The following MED23 variants were observed in gnomAD, a reference collection of about 807,000 sequenced individuals.
MED23 encodes mediator complex subunit 23.
A neutral mutation model predicts 163.9 loss-of-function variants in MED23; 105 were observed. That is an observed-to-expected ratio of 0.64 (90% CI 0.55 to 0.75). The LOEUF (loss-of-function observed/expected upper bound fraction) is 0.75. Among genes scored for constraint, MED23 ranks in the 30% least tolerant of loss-of-function variants. The pLI is 0.00. For missense variants in MED23, 1,054 were observed against 1,649.0 expected, an observed-to-expected ratio of 0.64 and a Z score of 6.25; for synonymous variants, 561 against 565.6, an observed-to-expected ratio of 0.99 and a Z score of 0.12.
intron 10 of MED23, chr6:131,615,420 G>T: frequency 1.5e-6 from 2 of 1,362,154 alleles, no homozygotes; most frequent in South Asian, 2.3e-5. Flanking sequence ...ACAAAACAGT[G>T]ACTATGAGGC....
chr6:131,603,322 C>T, intron 15 of MED23, 118 bp from the exon 16 acceptor site: 1 of 931,386 alleles, frequency 1.1e-6, no homozygotes, highest in Non-Finnish European at 1.7e-6. Context: ...CACACGCCCA[C>T]ACACATATAT....
Position 131,627,385 on chromosome 6 carries a change from G to C in MED23, c.159+11C>G. 1 of 1,560,642 alleles carries C rather than the reference G, an allele frequency of 6.4e-7. No individual in the cohort carries two copies. The highest frequency in any genetic ancestry group is 8.8e-7 in the Non-Finnish European group (1 of 1,137,016). On this transcript the variant is annotated intron_variant, in intron 3 of 28. Transcript: ENST00000368068. ...ATCATCAGCTGAATGTATTAAAAAT[G>C]AAGCGCTCACCTGAGAAAGACCACC... is the stretch of plus-strand genomic sequence containing the variant.
In MED23 at chr6:131,602,240, C is replaced by T; in HGVS notation, c.2073G>A (p.Leu691=). 6.2e-7 allele frequency: 1 copy of T among 1,613,788 alleles called. No homozygotes were observed. The highest frequency in any genetic ancestry group is 8.5e-7 in the Non-Finnish European group (1 of 1,179,786). The change falls in exon 17 of 29, where the codon TTG becomes TTA. Residue 691 remains leucine (L), a synonymous_variant. Transcript: ENST00000368068. The part of the protein sequence containing the change: ...EELNRALILT[L]ARATHVTDFF... ...TACCTGTTACATGAGTTGCTCTAGC[C>T]AAGGTCAATATCAAGGCTCGGTTCA... is the stretch of plus-strand genomic sequence containing the variant.
At chr6:131,596,809 T>G in intron 20 of MED23, 121 bp from the exon 21 acceptor site, 382 of 860,732 alleles carry the variant, frequency 4.4e-4, no homozygotes, top group Middle Eastern at 6.5e-4. Context: ...CTTAGACGTC[T>G]AGTCTATCCC....
At chr6:131,592,342 C>T (rs1774705672) in intron 25 of MED23, 46 bp downstream of exon 25, 2 of 1,535,752 alleles carry the variant, frequency 1.3e-6, no homozygotes, top group South Asian at 1.1e-5. Flanking sequence ...CATGGAACAG[C>T]TGGCTGTATT....
chr6:131,586,636 C>T (rs1053839589), downstream of MED23: 17 of 682,212 alleles, frequency 2.5e-5, no homozygotes, highest in Middle Eastern at 1.2e-3. Context: ...CAATGTCAGT[C>T]ACCAACTGTA....
chr6:131,578,702 G>A (rs749840163), intron 30 of MED23, among the ~76,000 whole-genome samples: 9 of 151,938 alleles, frequency 5.9e-5, no homozygotes, highest in African/African-American at 9.7e-5. Flanking sequence ...TATATATACC[G>A]ATATATATGT....
At chr6:131,577,908 A>G (rs539633320) in intron 30 of MED23, among the ~76,000 whole-genome samples, 135 of 151,602 alleles carry the variant, frequency 8.9e-4, no homozygotes, top group African/African-American at 3.0e-3. Flanking sequence ...CATCTCCAAA[A>G]AAAAAAAAAA....
rs1381479770 is a variant in MED23 at position 131,594,341 on chromosome 6, A to G, written c.2996-6T>C. 10 of 1,601,610 alleles carry G rather than the reference A, an allele frequency of 6.2e-6. No homozygotes were observed. Among genetic ancestry groups the G allele is most frequent in the Non-Finnish European group, 8.6e-6 (10 of 1,168,706 alleles). The stretch of plus-strand genomic sequence containing the variant: ...CAGATAAGTCACTGGACGATCTGCC[A>G]AGAAAAAAACATACCACCACAATGT... On this transcript the variant is annotated splice_region_variant and splice_polypyrimidine_tract_variant and intron_variant, in intron 22 of 28. Transcript: ENST00000368068.
chr6:131,582,854 T>C, downstream of MED23: 1 of 785,466 alleles, frequency 1.3e-6, no homozygotes, highest in Non-Finnish European at 2.2e-6. Flanking sequence ...TATATTTATA[T>C]ACATGTACAT....
At chr6:131,624,841 A>G in intron 4 of MED23, 24 bp downstream of exon 4, 1 of 1,613,354 alleles carries the variant, frequency 6.2e-7, no homozygotes, top group Non-Finnish European at 8.5e-7. Context: ...AATTCTTCAG[A>G]TTGCTCATAC....
At chr6:131,627,320 A>G in intron 3 of MED23, 76 bp downstream of exon 3, 1 of 1,023,056 alleles carries the variant, frequency 9.8e-7, no homozygotes. Flanking sequence ...ATGAAAGTAA[A>G]TGTTAAAAGA....
intron 30 of MED23, chr6:131,576,618 A>C: frequency 6.5e-7 from 1 of 1,546,022 alleles, no homozygotes; most frequent in Non-Finnish European, 8.9e-7. Context: ...TGAGCATCTG[A>C]TGGTCATGAT....
At chr6:131,596,809 T>C (rs999859040) in intron 20 of MED23, 121 bp from the exon 21 acceptor site, 25 of 860,910 alleles carry the variant, frequency 2.9e-5, no homozygotes, top group Non-Finnish European at 4.4e-5. Context: ...CTTAGACGTC[T>C]AGTCTATCCC....
Position 131,591,398 on chromosome 6 carries a change from A to C in MED23, c.3601T>G (p.Ser1201Ala). 1 of 1,613,930 alleles carries C rather than the reference A, an allele frequency of 6.2e-7. No individual in the cohort carries two copies. The highest frequency in any genetic ancestry group is 1.6e-4 in the Middle Eastern group (1 of 6,062). ...AACGTATAGCTACAACTCATCTCAG[A>C]GTAGGACTGATGACAGGCAGTGAAA... ...FDFTACHQSYSEMSCSYTLAL... is the reference protein window; with the variant it reads ...FDFTACHQSYAEMSCSYTLAL... Residue 1201 changes from serine (S) to alanine (A), a missense_variant, in exon 26 of 29, where the codon TCT becomes GCT. By Grantham distance (99) the Ser-to-Ala change is moderately conservative (BLOSUM62 1). Around this residue, in one of 11 missense-constraint regions of MED23, gnomAD observed 362 missense variants for 471.6 expected, o/e 0.77. Coordinates refer to ENST00000368068, the MANE Select transcript of MED23 (RefSeq NM_004830.4).
intron 30 of MED23, among the ~76,000 whole-genome samples, chr6:131,578,265 CA>C (rs1773728357): frequency 6.6e-6 from 1 of 150,898 alleles, no homozygotes; most frequent in South Asian, 2.1e-4. Context: ...CCTTAACTGA[CA>C]AGCATAATTT....
At chr6:131,616,249 T>C (rs1776681742) in intron 9 of MED23, among the ~76,000 whole-genome samples, 1 of 152,098 alleles carries the variant, frequency 6.6e-6, no homozygotes, top group Admixed American at 6.5e-5. Context: ...ACAATAAAGA[T>C]AACACTAGCA....
chr6:131,598,114 C>CAAACAAAAAAACAA lies in MED23; in HGVS notation c.2607+172_2607+173insTTGTTTTTTTGTTT, dbSNP rs1775206668. On this transcript the variant is annotated intron_variant, in intron 20 of 28. Transcript: ENST00000368068. This position sits in a 1 kb window ranked among gnomAD's most constrained non-coding sequence, Gnocchi z 4.7. ...CAAAAAACAAACAAAAAAACAAAAA[C>CAAACAAAAAAACAA]AAACAAAAACAGAAATTGGAAAATT... is the stretch of plus-strand genomic sequence containing the variant. 1.4e-6 allele frequency: 1 copy of CAAACAAAAAAACAA among 728,004 alleles called. No homozygotes were observed. The highest frequency in any genetic ancestry group is 1.8e-5 in the African/African-American group (1 of 55,870). The allele number at this position is 728,004 out of a possible 1,614,324, so 45.1% of individuals were successfully genotyped here. A position where few individuals can be genotyped will look rare whatever the true frequency, so the allele number is the denominator to read the frequency against.
intron 22 of MED23, among the ~76,000 whole-genome samples, chr6:131,595,377 G>C (rs1307966061): frequency 1.3e-5 from 2 of 152,136 alleles, no homozygotes; most frequent in Non-Finnish European, 2.9e-5. Flanking sequence ...TAAGACTGCT[G>C]CCAACTATAA....
Sources: allele counts gnomAD v4.1 joint callset (sites outside exome capture counted in the v4.1 genomes callset), GRCh38; gene constraint gnomAD v4.1.1; regional missense constraint gnomAD v4.1.1; non-coding constraint Gnocchi (gnomAD v3.1); transcripts MANE v1.5; gene names NCBI Gene and HGNC (gene_info 2026-07-23, HGNC 2026-07-21).